The following NRG1 variants were observed in gnomAD, a reference collection of about 807,000 sequenced individuals.
The protein encoded by NRG1 is pro-neuregulin-1, membrane-bound isoform.
A neutral mutation model predicts 63.8 loss-of-function variants in NRG1; 18 were observed. The observed-to-expected ratio is 0.28, with a 90% CI of 0.19 to 0.42. NRG1 has a LOEUF of 0.42. Ranked by LOEUF, NRG1 falls within the 10% of genes least tolerant of loss-of-function variation. NRG1 has a pLI of 1.00. For synonymous variants in NRG1, 302 were observed against 301.3 expected (o/e 1.00, Z -0.02); for missense variants, 762 against 814.7 (o/e 0.94, Z 0.79).
intron 1 of NRG1, among the ~76,000 whole-genome samples, chr8:32,179,187 TAAAAAAAAAA>T (rs35411561): frequency 3.0e-5 from 2 of 66,518 alleles, no homozygotes; most frequent in Admixed American, 2.1e-4. Flanking sequence ...CTCACAGTCA[TAAAAAAAAAA>T]AAAAAAAAAA....
intron 5 of NRG1, among the ~76,000 whole-genome samples, chr8:32,658,697 C>G (rs2128869310): frequency 6.6e-6 from 1 of 152,290 alleles, no homozygotes; most frequent in South Asian, 2.1e-4. Context: ...ATTTTCATCT[C>G]TTCTAGGCTT....
In NRG1 at chr8:32,596,017, G is replaced by A. The variant is rs1250944691; in HGVS notation, c.278+12G>A. On this transcript the variant is annotated intron_variant, in intron 2 of 11. Transcript: ENST00000356819. ...CAAAAAAAGCCAGGGTAAGTATAATGCATAAAATAGTAGAGACTGCCCCCA... is the reference window on the plus strand; with the variant it reads ...CAAAAAAAGCCAGGGTAAGTATAATACATAAAATAGTAGAGACTGCCCCCA... 1 of 1,604,776 alleles carries A rather than the reference G, an allele frequency of 6.2e-7. No individual in the cohort carries two copies. Among genetic ancestry groups the A allele is most frequent in the Non-Finnish European group, 8.5e-7 (1 of 1,174,398 alleles).
rs2128888001 is a variant in NRG1, at chr8:32,667,900, A to G, written c.502+51015A>G. Among the ~76,000 whole-genome samples, 2 of 152,250 alleles carry G rather than the reference A, an allele frequency of 1.3e-5. 1 individual carries two copies. Among genetic ancestry groups the G allele is most frequent in the South Asian group, 4.1e-4 (2 of 4,826 alleles). On this transcript the variant is annotated intron_variant, in intron 5 of 11. Coordinates refer to ENST00000356819, the Ensembl canonical transcript of NRG1. ...TGATGGCAAAGGGGAAGAAGGGATC[A>G]TTATGCCACTCCTTTAAAATGCGGG...
chr8:32,715,973 A>T (rs530793449), intron 5 of NRG1, among the ~76,000 whole-genome samples: 11 of 152,252 alleles, frequency 7.2e-5, no homozygotes, highest in Admixed American at 5.2e-4. Context: ...ATAGGATCAG[A>T]GGTCTGGTTT....
intron 1 of NRG1, among the ~76,000 whole-genome samples, chr8:32,469,706 C>T (rs1246481262): frequency 6.6e-6 from 1 of 152,128 alleles, no homozygotes; most frequent in East Asian, 1.9e-4. Context: ...GTGAGACCCT[C>T]AAGATTCTAA....
chr8:32,352,940 G>A (rs1290026072), intron 1 of NRG1, among the ~76,000 whole-genome samples: 5 of 112,374 alleles, frequency 4.4e-5, no homozygotes, highest in Middle Eastern at 9.4e-3. Context: ...CTATATATAT[G>A]TGTGTGTGTA....
At chr8:32,574,975 GA>G (rs1307893394) in intron 1 of NRG1, among the ~76,000 whole-genome samples, 1 of 152,162 alleles carries the variant, frequency 6.6e-6, no homozygotes, top group Non-Finnish European at 1.5e-5. Context: ...TGAAAGCATG[GA>G]GTTCTCTGCT....
Position 31,640,708 on chromosome 8 carries a change from C to T in NRG1, c.37+1277C>T, listed in dbSNP as rs767101459. On this transcript the variant is annotated intron_variant, in intron 1 of 10. Transcript: ENST00000519301. This position sits in a 1 kb window ranked among gnomAD's most constrained non-coding sequence, Gnocchi z 6.3. ...CCGGAACCTCAAGAAGGAGGTCAGC[C>T]GGGTGCTGTGCAAGCGGTGCGGTAA... The T allele has an allele frequency of 6.2e-6, 10 of 1,600,572 alleles. 1 individual carries two copies. Among genetic ancestry groups the T allele is most frequent in the Admixed American group, 1.7e-5 (1 of 59,096 alleles).
At chr8:32,237,678 T>C (rs1847711680) in intron 1 of NRG1, among the ~76,000 whole-genome samples, 1 of 152,164 alleles carries the variant, frequency 6.6e-6, no homozygotes, top group Non-Finnish European at 1.5e-5. Flanking sequence ...AGTTATGAGT[T>C]GATAAGTGGA....
intron 1 of NRG1, among the ~76,000 whole-genome samples, chr8:31,648,722 A>G (rs1804548795): frequency 6.6e-6 from 1 of 152,140 alleles, no homozygotes; most frequent in Non-Finnish European, 1.5e-5. Flanking sequence ...ATGTTGTAGC[A>G]TATGTCAGAA....
intron 1 of NRG1, among the ~76,000 whole-genome samples, chr8:31,761,402 C>T (rs189463407): frequency 0.013 from 1,894 of 151,486 alleles, 33 homozygotes; most frequent in African/African-American, 0.042. Flanking sequence ...TGTATACATA[C>T]GTAACTAACC....
At chr8:32,369,243 C>G (rs562875577) in intron 1 of NRG1, among the ~76,000 whole-genome samples, 1 of 152,208 alleles carries the variant, frequency 6.6e-6, no homozygotes, top group East Asian at 1.9e-4. Flanking sequence ...TCTCTCCTTT[C>G]CTATTACTGG....
intron 1 of NRG1, among the ~76,000 whole-genome samples, chr8:31,821,859 A>G (rs1241330825): frequency 6.6e-6 from 1 of 152,180 alleles, no homozygotes; most frequent in Admixed American, 6.5e-5. Context: ...TGTGGGAATC[A>G]TTGTTCTGAA....
chr8:32,142,963 C>G (rs1464743183), intron 1 of NRG1, among the ~76,000 whole-genome samples: 1 of 152,146 alleles, frequency 6.6e-6, no homozygotes, highest in African/African-American at 2.4e-5. Context: ...TAAGAAAGGT[C>G]TTAGTGTGGT....
chr8:32,073,197 G>C (rs1233557378), intron 1 of NRG1, among the ~76,000 whole-genome samples: 1 of 152,042 alleles, frequency 6.6e-6, no homozygotes, highest in African/African-American at 2.4e-5. Context: ...TCACTATCTT[G>C]TCATTACAGC....
At chr8:31,854,500 CT>C (rs1827628534) in intron 1 of NRG1, among the ~76,000 whole-genome samples, 2 of 151,608 alleles carry the variant, frequency 1.3e-5, no homozygotes, top group African/African-American at 2.4e-5. Context: ...ATTCTTCTCT[CT>C]TTTTTTCTTT....
chr8:31,717,865 T>C (rs895511938), intron 1 of NRG1, among the ~76,000 whole-genome samples: 1 of 152,148 alleles, frequency 6.6e-6, no homozygotes, highest in Non-Finnish European at 1.5e-5. Flanking sequence ...ATATTCCAAG[T>C]TTTTGAAAAA....
intron 5 of NRG1, among the ~76,000 whole-genome samples, chr8:32,624,888 A>G (rs1428774944): frequency 6.6e-6 from 1 of 152,180 alleles, no homozygotes; most frequent in Non-Finnish European, 1.5e-5. Flanking sequence ...AAAAATTCCT[A>G]GTTTCTTTTA....
At chr8:32,328,428 CTT>C (rs61698666) in intron 1 of NRG1, among the ~76,000 whole-genome samples, 5 of 141,410 alleles carry the variant, frequency 3.5e-5, no homozygotes, top group African/African-American at 8.1e-5. Context: ...AATTTAACAT[CTT>C]TTTTTTTTTT....
Sources: gnomAD v4.1 joint callset for allele counts (sites outside exome capture counted in the v4.1 genomes callset) on GRCh38, gnomAD v4.1.1 for gene constraint, Gnocchi (gnomAD v3.1) non-coding constraint, MANE v1.5 for transcripts, NCBI Gene and HGNC (gene_info 2026-07-23, HGNC 2026-07-21) for gene names.